The following ARL14EPL variants were observed in gnomAD, a reference collection of about 807,000 sequenced individuals.
ARL14EPL encodes the protein ARL14 effector protein-like.
ARL14EPL carries 17 observed loss-of-function variants against 15.9 expected under a neutral mutation model. That is an observed-to-expected ratio of 1.07 (90% CI 0.73 to 1.60). The LOEUF (loss-of-function observed/expected upper bound fraction) is 1.60, where lower values mean the gene tolerates loss of function less well. ARL14EPL is among the 40% of genes most tolerant of loss of function. The pLI, the probability that ARL14EPL is intolerant of heterozygous loss-of-function variation, is 0.00. For missense variants in ARL14EPL, 214 were observed against 185.9 expected (o/e 1.15, Z -0.88); for synonymous variants, 78 against 63.8 (o/e 1.22, Z -1.06).
chr5:116,057,786 G>A (rs562931773), intron 3 of ARL14EPL, among the ~76,000 whole-genome samples: 8 of 152,318 alleles, frequency 5.3e-5, no homozygotes, highest in East Asian at 1.9e-4. Context: ...AAGGAGAGGA[G>A]GCATTGTGCC....
Position 116,051,462 on chromosome 5 carries a change from A to C in ARL14EPL, c.-4A>C, listed in dbSNP as rs1749377628. On this transcript the variant is annotated 5_prime_UTR_variant, in exon 2 of 4. Coordinates refer to ENST00000686077, the MANE Select transcript of ARL14EPL (RefSeq NM_001195581.2). ...TTTTCCAATTACTTTTTAAGTGATC[A>C]GAGATGAATGAACAATCAGAGAAAA... The C allele has an allele frequency of 1.1e-5, 17 of 1,524,226 alleles. No homozygotes were observed. Among genetic ancestry groups the C allele is most frequent in the Non-Finnish European group, 1.5e-5 (17 of 1,136,560 alleles). The allele number at this position is 1,524,226 out of a possible 1,614,324, so 94.4% of individuals were successfully genotyped here. A position where few individuals can be genotyped will look rare whatever the true frequency, so the allele number is the denominator to read the frequency against.
intron 1 of ARL14EPL, among the ~76,000 whole-genome samples, chr5:116,048,991 A>G (rs932810071): frequency 3.9e-5 from 6 of 152,200 alleles, no homozygotes; most frequent in African/African-American, 1.4e-4. Flanking sequence ...AAAATATTTT[A>G]AAGTAGAAAG....
chr5:116,054,207 C>A (rs1299719684), intron 3 of ARL14EPL, 54 bp downstream of exon 3: 3 of 1,451,216 alleles, frequency 2.1e-6, no homozygotes, highest in African/African-American at 1.4e-5. Flanking sequence ...TGCATGAATT[C>A]TCCTTGACAA....
At chr5:116,040,370 C>T (rs1008887815) in intron 1 of ARL14EPL, among the ~76,000 whole-genome samples, 32 of 149,248 alleles carry the variant, frequency 2.1e-4, no homozygotes, top group African/African-American at 7.4e-4. Context: ...TGGCTATAAT[C>T]GAAATTAATA....
At chr5:116,056,523 G>C (rs1259996578) in intron 3 of ARL14EPL, among the ~76,000 whole-genome samples, 2 of 152,070 alleles carry the variant, frequency 1.3e-5, no homozygotes, top group Non-Finnish European at 2.9e-5. Flanking sequence ...ATTTGTTTGT[G>C]TTCTTTGTAG....
intron 1 of ARL14EPL, among the ~76,000 whole-genome samples, chr5:116,045,026 G>C (rs76508162): frequency 0.022 from 3,347 of 152,208 alleles, 114 homozygotes; most frequent in African/African-American, 0.076. Flanking sequence ...TAATAGAACT[G>C]TGAAACTTCA....
At chr5:116,035,114 T>C (rs1233547144) in intron 1 of ARL14EPL, among the ~76,000 whole-genome samples, 1 of 152,202 alleles carries the variant, frequency 6.6e-6, no homozygotes. Context: ...TGTAATGATA[T>C]ATCCCGCAGA....
intron 1 of ARL14EPL, among the ~76,000 whole-genome samples, chr5:116,045,790 G>A (rs976102948): frequency 2.1e-5 from 3 of 145,414 alleles, no homozygotes; most frequent in South Asian, 2.2e-4. Context: ...GTATGTGTAC[G>A]AAAATACAAC....
At chr5:116,049,258 A>G (rs1216789344) in intron 1 of ARL14EPL, among the ~76,000 whole-genome samples, 6 of 152,212 alleles carry the variant, frequency 3.9e-5, no homozygotes, top group African/African-American at 1.4e-4. Flanking sequence ...AGAGCTTATT[A>G]ATTATGCAGA....
chr5:116,040,154 A>G (rs1749122242), intron 1 of ARL14EPL, among the ~76,000 whole-genome samples: 2 of 152,124 alleles, frequency 1.3e-5, no homozygotes, highest in Non-Finnish European at 2.9e-5. Context: ...CTTTCCTTAG[A>G]ATAAATTTCC....
rs552933220 is a variant in ARL14EPL, at chr5:116,036,670, ACTT to A, written c.-10+4167_-10+4169del. On this transcript the variant is annotated intron_variant, in intron 1 of 3. Coordinates refer to ENST00000686077, the MANE Select transcript of ARL14EPL (RefSeq NM_001195581.2). ...AAGGATATTTTATTGATATAAATAA[ACTT>A]CATTTGCAAAAATATAACCTAGAAA... 7.9e-5 allele frequency among the ~76,000 whole-genome samples: 12 copies of A among 152,316 alleles called. No individual in the cohort carries two copies. The South Asian group carries it at 2.3e-3, about 29-fold the overall frequency.
chr5:116,040,188 G>T (rs546789310), intron 1 of ARL14EPL, among the ~76,000 whole-genome samples: 2 of 152,032 alleles, frequency 1.3e-5, no homozygotes, highest in Non-Finnish European at 2.9e-5. Flanking sequence ...CTGGGTCAAA[G>T]ATAATGTCTA....
At chr5:116,058,606 C>T (rs1377479292) in intron 3 of ARL14EPL, 119 bp from the exon 4 acceptor site, 14 of 918,686 alleles carry the variant, frequency 1.5e-5, no homozygotes, top group Non-Finnish European at 2.3e-5. Context: ...TTCTGGTAAT[C>T]TCTGGAGTTC....
intron 1 of ARL14EPL, among the ~76,000 whole-genome samples, chr5:116,043,841 C>T (rs1369039359): frequency 6.6e-6 from 1 of 152,120 alleles, no homozygotes; most frequent in Non-Finnish European, 1.5e-5. Flanking sequence ...GCCTTCGGCC[C>T]TTGATGTTTT....
intron 3 of ARL14EPL, 133 bp downstream of exon 3, chr5:116,054,286 C>A (rs970828980): frequency 3.8e-6 from 4 of 1,052,270 alleles, no homozygotes; most frequent in Non-Finnish European, 5.2e-6. Context: ...ATAATAGTAC[C>A]CATGTGTCTG....
rs1167416297 is a variant in ARL14EPL, at chr5:116,059,488, T to C, written c.*541T>C. The C allele has an allele frequency of 6.6e-6, 1 of 152,388 alleles. No individual in the cohort carries two copies. Among genetic ancestry groups the C allele is most frequent in the Non-Finnish European group, 1.5e-5 (1 of 68,168 alleles). The allele number at this position is 152,388 out of a possible 1,614,324, so 9.4% of individuals were successfully genotyped here. A position where few individuals can be genotyped will look rare whatever the true frequency, so the allele number is the denominator to read the frequency against. On this transcript the variant is annotated 3_prime_UTR_variant, in exon 4 of 4. Coordinates refer to ENST00000686077, the MANE Select transcript of ARL14EPL (RefSeq NM_001195581.2). ...ATAACATTAAAATGAAATTTAGTAA[T>C]ACTTGGTAGTATTTTTAATCATTAA...
rs542526944 is a variant in ARL14EPL, at chr5:116,041,829, T to C, written c.-10+9324T>C. ...GGCACCTTTTCTAGTCAGTCTTTTT[T>C]AAAACAAATTTTTTTTTGAGACAGG... On this transcript the variant is annotated intron_variant, in intron 1 of 3. Transcript: ENST00000686077. 2.6e-4 allele frequency among the ~76,000 whole-genome samples: 40 copies of C among 152,170 alleles called. No homozygotes were observed. The East Asian group carries it at 7.5e-3, about 28-fold the overall frequency.
At chr5:116,056,570 G>T (rs1159886113) in intron 3 of ARL14EPL, among the ~76,000 whole-genome samples, 9 of 151,934 alleles carry the variant, frequency 5.9e-5, no homozygotes, top group Non-Finnish European at 1.2e-4. Context: ...TGAGTAGATT[G>T]CAAAAATTTT....
In ARL14EPL at chr5:116,057,418, T is replaced by C. The variant is rs560729347; in HGVS notation, c.237-1307T>C. On this transcript the variant is annotated intron_variant, in intron 3 of 3. Coordinates refer to ENST00000686077, the MANE Select transcript of ARL14EPL (RefSeq NM_001195581.2). ...ATTTGATGTGTATAATTCAGGATTTTACCAAAAAAAAAAGCATCAAATGGG... is the reference window on the plus strand; with the variant it reads ...ATTTGATGTGTATAATTCAGGATTTCACCAAAAAAAAAAGCATCAAATGGG... Among the ~76,000 whole-genome samples, 8 of 78,670 alleles carry C rather than the reference T, an allele frequency of 1.0e-4. No homozygotes were observed. In the East Asian group the frequency reaches 1.9e-3, roughly 19 times the overall value. The allele number at this position is 78,670 out of a possible 152,430, so 51.6% of individuals were successfully genotyped here. A position where few individuals can be genotyped will look rare whatever the true frequency, so the allele number is the denominator to read the frequency against.
Sources: allele counts gnomAD v4.1 joint callset (sites outside exome capture counted in the v4.1 genomes callset), GRCh38; gene constraint gnomAD v4.1.1; transcripts MANE v1.5; gene names NCBI Gene and HGNC (gene_info 2026-07-23, HGNC 2026-07-21).